The following BBS7 variants were observed in gnomAD, a reference collection of about 807,000 sequenced individuals.
BBS7 encodes the protein Bardet-Biedl syndrome 7.
BBS7 carries 50 observed loss-of-function variants against 90.3 expected under a neutral mutation model. That is an observed-to-expected ratio of 0.55 (90% CI 0.44 to 0.70). The LOEUF (loss-of-function observed/expected upper bound fraction) is 0.70, where lower values mean the gene tolerates loss of function less well. BBS7 is among the 30% of genes least tolerant of loss of function. The probability of loss-of-function intolerance (pLI) is 0.00; values close to 1 mark genes in which losing one functional copy is unlikely to be tolerated. For missense variants in BBS7, 729 were observed against 838.9 expected, an observed-to-expected ratio of 0.87 and a Z score of 1.62; for synonymous variants, 235 against 287.4, an observed-to-expected ratio of 0.82 and a Z score of 1.85.
At chr4:121,829,622 A>G (rs1725082910) in intron 15 of BBS7, among the ~76,000 whole-genome samples, 1 of 152,146 alleles carries the variant, frequency 6.6e-6, no homozygotes, top group Admixed American at 6.5e-5. Context: ...TTCAGTGGCA[A>G]TGGTCTCAGT....
At chr4:121,854,879 A>G in intron 6 of BBS7, 59 bp from the exon 7 acceptor site, 2 of 1,468,430 alleles carry the variant, frequency 1.4e-6, no homozygotes, top group South Asian at 2.4e-5. Context: ...TCTCTTTAAA[A>G]TTAAAATGTT....
intron 14 of BBS7, among the ~76,000 whole-genome samples, chr4:121,833,680 G>A (rs1247257707): frequency 6.6e-6 from 1 of 151,790 alleles, no homozygotes; most frequent in Non-Finnish European, 1.5e-5. Flanking sequence ...ATTTATTTGG[G>A]TATATTTCAT....
intron 2 of BBS7, among the ~76,000 whole-genome samples, chr4:121,865,600 T>A (rs1276139217): frequency 6.6e-6 from 1 of 152,212 alleles, no homozygotes; most frequent in Non-Finnish European, 1.5e-5. Context: ...CACTTTTTTT[T>A]ATACATTCAT....
At chr4:121,851,343 A>T (rs957818514) in intron 8 of BBS7, among the ~76,000 whole-genome samples, 2 of 148,396 alleles carry the variant, frequency 1.3e-5, no homozygotes, top group Admixed American at 6.9e-5. Flanking sequence ...TACTCTGCAC[A>T]CTGCCTATGG....
chr4:121,870,159 C>T (rs942726563), intron 1 of BBS7, 119 bp downstream of exon 1: 55 of 1,317,610 alleles, frequency 4.2e-5, no homozygotes, highest in Non-Finnish European at 6.0e-5. Flanking sequence ...GCACCCAGCC[C>T]GGCTCCTTCG....
At chr4:121,832,472 A>G (rs1725244440) in intron 15 of BBS7, among the ~76,000 whole-genome samples, 4 of 152,242 alleles carry the variant, frequency 2.6e-5, no homozygotes, top group African/African-American at 9.6e-5. Context: ...CTTGCCCAAG[A>G]AGTAGGCCAT....
chr4:121,852,601 A>C lies in BBS7; in HGVS notation c.849+355T>G, dbSNP rs1726380306. Reference sequence around the variant, plus strand: ...TCCTAACAATATGAAGTTTATTCCTAAAATCTTATTATTTTAAAACAACAG... The same window carrying C: ...TCCTAACAATATGAAGTTTATTCCTCAAATCTTATTATTTTAAAACAACAG... On this transcript the variant is annotated intron_variant, in intron 8 of 18. Transcript: ENST00000264499. Among the ~76,000 whole-genome samples the C allele has an allele frequency of 2.0e-5, 3 of 152,222 alleles. No homozygotes were observed. The South Asian group carries it at 6.2e-4, about 32-fold the overall frequency.
chr4:121,840,172 C>T (rs1725664645), intron 12 of BBS7, among the ~76,000 whole-genome samples: 1 of 152,164 alleles, frequency 6.6e-6, no homozygotes, highest in Non-Finnish European at 1.5e-5. Context: ...TTCTCCCATA[C>T]TGCTCTCATG....
At chr4:121,836,537 C>A (rs1161166947) in intron 13 of BBS7, among the ~76,000 whole-genome samples, 3 of 152,110 alleles carry the variant, frequency 2.0e-5, no homozygotes, top group Non-Finnish European at 4.4e-5. Flanking sequence ...TCAACTCATT[C>A]TTTATAGTAG....
chr4:121,844,373 T>C (rs1213742700), intron 11 of BBS7, among the ~76,000 whole-genome samples: 1 of 152,108 alleles, frequency 6.6e-6, no homozygotes, highest in African/African-American at 2.4e-5. Flanking sequence ...TCAGTTTTAA[T>C]TTTACCTGTA....
At chr4:121,850,875 T>C (rs2149075018) in intron 8 of BBS7, among the ~76,000 whole-genome samples, 1 of 152,338 alleles carries the variant, frequency 6.6e-6, no homozygotes, top group Admixed American at 6.5e-5. Flanking sequence ...TAGTTGTTCC[T>C]GAGGCTAATT....
Position 121,870,424 on chromosome 4 carries a change from C to T in BBS7, c.-111G>A. 1 of 1,294,974 alleles carries T rather than the reference C, an allele frequency of 7.7e-7. No homozygotes were observed. Among genetic ancestry groups the T allele is most frequent in the Non-Finnish European group, 1.1e-6 (1 of 903,026 alleles). The allele number at this position is 1,294,974 out of a possible 1,614,324, so 80.2% of individuals were successfully genotyped here. ...AAGGCTGCCCGCGCCCCTCAAAAGC[C>T]AGCCCCAGCTACCGCGCCTAGGTCC... On this transcript the variant is annotated 5_prime_UTR_variant, in exon 1 of 19. Coordinates refer to ENST00000264499, the MANE Select transcript of BBS7 (RefSeq NM_176824.3).
In BBS7 at chr4:121,833,224, G is replaced by C. The variant is rs1247015446; in HGVS notation, c.1676+7C>G. On this transcript the variant is annotated splice_region_variant and intron_variant, in intron 15 of 18. Transcript: ENST00000264499. ...ACACTTGTGAACCAGTAATAAGTTA[G>C]ATTTACCTGTAGGTACTTTCAAGTT... 3.1e-6 allele frequency: 5 copies of C among 1,613,180 alleles called. No individual in the cohort carries two copies. Among genetic ancestry groups the C allele is most frequent in the Non-Finnish European group, 4.2e-6 (5 of 1,179,242 alleles).
chr4:121,843,983 A>C lies in BBS7; in HGVS notation c.1249T>G (p.Leu417Val). The C allele has an allele frequency of 6.3e-7, 1 of 1,598,384 alleles. No homozygotes were observed. The highest frequency in any genetic ancestry group is 8.6e-7 in the Non-Finnish European group (1 of 1,169,300). ...VLIQSDVPID[L>V]LDVDKNSAVV... ...GCAGAATTTTTATCCACATCAAGTA[A>C]ATCTATTGGAACATCACTCTATAGT... is the stretch of plus-strand genomic sequence containing the variant. The change falls in exon 12 of 19, where the codon TTA becomes GTA. Residue 417 changes from leucine (L) to valine (V), a missense_variant. Coordinates refer to ENST00000264499, the MANE Select transcript of BBS7 (RefSeq NM_176824.3).
intron 12 of BBS7, among the ~76,000 whole-genome samples, chr4:121,840,924 G>T (rs1283999652): frequency 6.7e-6 from 1 of 149,738 alleles, no homozygotes; most frequent in African/African-American, 2.5e-5. Context: ...TGTAACCTCT[G>T]CCTCCTGGGC....
intron 18 of BBS7, chr4:121,827,755 T>C: frequency 3.2e-6 from 3 of 925,798 alleles, no homozygotes; most frequent in Non-Finnish European, 3.9e-6. Flanking sequence ...AAATTTTGCC[T>C]TAAAAATTTT....
chr4:121,850,131 C>A (rs191844952), intron 8 of BBS7, among the ~76,000 whole-genome samples: 30 of 150,880 alleles, frequency 2.0e-4, no homozygotes, highest in South Asian at 1.0e-3. Flanking sequence ...TTATTTATTT[C>A]TTTTAAAATA....
At chr4:121,863,152 T>C in intron 3 of BBS7, 65 bp downstream of exon 3, 1 of 1,484,106 alleles carries the variant, frequency 6.7e-7, no homozygotes, top group Non-Finnish European at 9.4e-7. Flanking sequence ...TAACCTAGTA[T>C]TATTCAATAA....
At chr4:121,832,559 T>C (rs187523801) in intron 15 of BBS7, among the ~76,000 whole-genome samples, 73 of 152,240 alleles carry the variant, frequency 4.8e-4, no homozygotes, top group South Asian at 4.4e-3. Flanking sequence ...GAGGAATTAT[T>C]GGAGCTTATA....
Sources: gnomAD v4.1 joint callset for allele counts (sites outside exome capture counted in the v4.1 genomes callset) on GRCh38, gnomAD v4.1.1 for gene constraint, MANE v1.5 for transcripts, NCBI Gene and HGNC (gene_info 2026-07-23, HGNC 2026-07-21) for gene names.